RAB6B: variants seen among roughly 807,000 people sequenced by gnomAD.
RAB6B encodes ras-related protein Rab-6B.
Under a neutral mutation model 31.2 loss-of-function variants are expected in RAB6B, and 7 were observed. The ratio of observed to expected loss-of-function variants is 0.22; its 90% confidence interval spans 0.13 to 0.42. RAB6B has a LOEUF of 0.42. Among genes scored for constraint, RAB6B ranks in the 10% least tolerant of loss-of-function variants. The probability of loss-of-function intolerance (pLI) is 1.00; values close to 1 mark genes in which losing one functional copy is unlikely to be tolerated. For missense variants in RAB6B, 149 were observed against 280.6 expected (o/e 0.53, Z 3.35); for synonymous variants, 105 against 104.9 (o/e 1.00, Z -0.01).
chr3:133,853,040 C>G (rs928944232), intron 2 of RAB6B, among the ~76,000 whole-genome samples: 1 of 152,168 alleles, frequency 6.6e-6, no homozygotes, highest in South Asian at 2.1e-4. Context: ...ATCTGTAGTA[C>G]AGTCATATCT....
intron 1 of RAB6B, among the ~76,000 whole-genome samples, chr3:133,874,179 C>T (rs1360666524): frequency 6.6e-6 from 1 of 152,176 alleles, no homozygotes; most frequent in African/African-American, 2.4e-5. Flanking sequence ...ATAGTTCAAA[C>T]CCATCTTGTT....
intron 6 of RAB6B, among the ~76,000 whole-genome samples, chr3:133,836,209 G>A (rs9814850): frequency 0.088 from 13,423 of 152,296 alleles, 799 homozygotes; most frequent in Non-Finnish European, 0.13. Flanking sequence ...CCTTGTGGGC[G>A]GGCTGCAGAG....
intron 1 of RAB6B, among the ~76,000 whole-genome samples, chr3:133,894,902 C>T (rs932277323): frequency 6.6e-6 from 1 of 152,220 alleles, no homozygotes; most frequent in Non-Finnish European, 1.5e-5. Flanking sequence ...GCATGGTTCC[C>T]AGCAGGGTCC....
chr3:133,859,573 C>A (rs189315857), intron 2 of RAB6B, among the ~76,000 whole-genome samples: 1 of 152,164 alleles, frequency 6.6e-6, no homozygotes, highest in East Asian at 1.9e-4. Flanking sequence ...TTTTTAGGCC[C>A]GAGTCTCTGT....
In RAB6B at chr3:133,828,187, G is replaced by C; in HGVS notation, c.*601C>G. ...CACACGAGGTTGACGACCCACTCTG[G>C]CCATGGAAAGACAAGAGTCAGAGCT... is the stretch of plus-strand genomic sequence containing the variant. On this transcript the variant is annotated 3_prime_UTR_variant, in exon 8 of 8. Coordinates refer to ENST00000285208, the MANE Select transcript of RAB6B (RefSeq NM_016577.4). The C allele has an allele frequency of 1.7e-6, 1 of 582,938 alleles. No individual in the cohort carries two copies. The highest frequency in any genetic ancestry group is 3.1e-6 in the Non-Finnish European group (1 of 327,516). The allele number at this position is 582,938 out of a possible 1,614,324, so 36.1% of individuals were successfully genotyped here.
At chr3:133,862,284 A>G (rs553825866) in intron 2 of RAB6B, among the ~76,000 whole-genome samples, 1 of 152,160 alleles carries the variant, frequency 6.6e-6, no homozygotes, top group Non-Finnish European at 1.5e-5. Flanking sequence ...TGTGTGTGCC[A>G]GCAGGCACTG....
intron 2 of RAB6B, among the ~76,000 whole-genome samples, chr3:133,858,716 G>A (rs1936116903): frequency 1.3e-5 from 2 of 152,278 alleles, no homozygotes; most frequent in Middle Eastern, 3.4e-3. Flanking sequence ...CAGGAATTTT[G>A]AGGAGACACA....
intron 1 of RAB6B, among the ~76,000 whole-genome samples, chr3:133,869,834 G>A (rs986933083): frequency 1.3e-5 from 2 of 152,140 alleles, no homozygotes; most frequent in African/African-American, 4.8e-5. Context: ...GTGAGTGAGC[G>A]AGCCTTCAGG....
intron 2 of RAB6B, among the ~76,000 whole-genome samples, chr3:133,853,744 A>G (rs560071813): frequency 1.2e-4 from 18 of 152,084 alleles, no homozygotes; most frequent in Non-Finnish European, 2.4e-4. Context: ...TGGCTTCCTC[A>G]TCTCTAATAC....
chr3:133,888,965 A>G (rs1936592133), intron 1 of RAB6B, among the ~76,000 whole-genome samples: 2 of 152,026 alleles, frequency 1.3e-5, no homozygotes, highest in Non-Finnish European at 2.9e-5. Flanking sequence ...CTCCCTGGCA[A>G]CCTCCACCAG....
At chr3:133,834,039 G>T (rs1880666) in intron 7 of RAB6B, among the ~76,000 whole-genome samples, 45,331 of 151,984 alleles carry the variant, frequency 0.3, 9,806 homozygotes, top group African/African-American at 0.61. Context: ...GCATCTAGGT[G>T]TCTCTTCAGG....
At chr3:133,869,550 G>A (rs903123206) in intron 1 of RAB6B, among the ~76,000 whole-genome samples, 9 of 152,260 alleles carry the variant, frequency 5.9e-5, no homozygotes, top group African/African-American at 2.2e-4. Flanking sequence ...AATTTCCATA[G>A]TGGGCTCATA....
At position 133,828,672 on chromosome 3, in the gene RAB6B, A is replaced by G; in HGVS notation, c.*116T>C. The G allele has an allele frequency of 1.2e-6, 1 of 865,600 alleles. No homozygotes were observed. The highest frequency in any genetic ancestry group is 1.8e-6 in the Non-Finnish European group (1 of 541,320). The allele number at this position is 865,600 out of a possible 1,614,324, so 53.6% of individuals were successfully genotyped here. On this transcript the variant is annotated 3_prime_UTR_variant, in exon 8 of 8. Transcript: ENST00000285208. ...CCACCCTACTCCTAAAGACAGAGAG[A>G]AAAGAAAAATCCTCCCATCTTGATA...
Position 133,824,810 on chromosome 3 carries a change from C to A in RAB6B, c.*3978G>T, listed in dbSNP as rs545279338. ...AGTAGAGATGGTCTGAGGAACACAC[C>A]CACACACAGCAGTCCTTGCTGTGTA... On this transcript the variant is annotated 3_prime_UTR_variant, in exon 8 of 8. Transcript: ENST00000285208. 48 of 152,152 alleles carry A rather than the reference C, an allele frequency of 3.2e-4. No homozygotes were observed. Among genetic ancestry groups the A allele is most frequent in the African/African-American group, 1.1e-3 (45 of 41,496 alleles). 9.4% of individuals were successfully genotyped at this position (152,152 alleles called of 1,614,324 possible). A position where few individuals can be genotyped will look rare whatever the true frequency, so the allele number is the denominator to read the frequency against.
chr3:133,829,091 G>A (rs764104587), intron 7 of RAB6B, among the ~76,000 whole-genome samples: 8 of 152,132 alleles, frequency 5.3e-5, no homozygotes, highest in Non-Finnish European at 7.3e-5. Context: ...TGCCTGGGCC[G>A]TGGGATCACC....
At chr3:133,854,658 T>C (rs1029008151) in intron 2 of RAB6B, among the ~76,000 whole-genome samples, 4 of 152,250 alleles carry the variant, frequency 2.6e-5, no homozygotes, top group African/African-American at 7.2e-5. Flanking sequence ...AGGAATCTTA[T>C]GAGCATGGAT....
At chr3:133,880,398 T>G (rs943406196) in intron 1 of RAB6B, among the ~76,000 whole-genome samples, 1 of 152,254 alleles carries the variant, frequency 6.6e-6, no homozygotes, top group Non-Finnish European at 1.5e-5. Flanking sequence ...TCAGAAGGTC[T>G]GTGACAAGGC....
intron 1 of RAB6B, among the ~76,000 whole-genome samples, chr3:133,893,827 G>A (rs1031351814): frequency 6.6e-6 from 1 of 152,186 alleles, no homozygotes; most frequent in Non-Finnish European, 1.5e-5. Flanking sequence ...GCACTGGGAT[G>A]TGAATACCAC....
chr3:133,887,962 C>T (rs1936574031), intron 1 of RAB6B, among the ~76,000 whole-genome samples: 1 of 152,202 alleles, frequency 6.6e-6, no homozygotes, highest in Non-Finnish European at 1.5e-5. Context: ...GCAAGACCAG[C>T]TCCAGCAGCT....
Sources: allele counts gnomAD v4.1 joint callset (sites outside exome capture counted in the v4.1 genomes callset), GRCh38; gene constraint gnomAD v4.1.1; transcripts MANE v1.5; gene names NCBI Gene and HGNC (gene_info 2026-07-23, HGNC 2026-07-21).